Variants in ENOX1 observed in about 807,000 individuals in gnomAD.
The protein encoded by ENOX1 is candidate growth-related and time keeping constitutive hydroquinone (NADH) oxidase.
Under a neutral mutation model 82.5 loss-of-function variants are expected in ENOX1, and 42 were observed. The ratio of observed to expected loss-of-function variants is 0.51; its 90% CI spans 0.40 to 0.66. The LOEUF is 0.66. Ranked by LOEUF, ENOX1 falls within the 30% of genes least tolerant of loss-of-function variation. The probability of loss-of-function intolerance (pLI) is 0.00; values close to 1 mark genes in which losing one functional copy is unlikely to be tolerated. For synonymous variants in ENOX1, 271 were observed against 282.2 expected (o/e 0.96, Z 0.40); for missense variants, 608 against 811.6 (o/e 0.75, Z 3.05).
In ENOX1 at chr13:43,355,937, G is replaced by A. The variant is rs2153556683; in HGVS notation, c.805C>T (p.Leu269=). The A allele has an allele frequency of 6.2e-7, 1 of 1,613,184 alleles. No homozygotes were observed. Among genetic ancestry groups the A allele is most frequent in the Non-Finnish European group, 8.5e-7 (1 of 1,179,462 alleles). The change falls in exon 8 of 17, where the codon CTG becomes TTG. Residue 269 remains leucine, a synonymous_variant. Transcript: ENST00000690772. ...CCCATACCTTTCAGCTTTTCAGCCA[G>A]CAGAGCGGCTTCGTGCTCCGAGTAG... ...MHYSEHEAAL[L]AEKLKDDSKF...
chr13:43,691,716 T>TC (rs1168819503), intron 1 of ENOX1, among the ~76,000 whole-genome samples: 22 of 150,836 alleles, frequency 1.5e-4, no homozygotes, highest in Non-Finnish European at 2.4e-4. Flanking sequence ...TTTTTTTTTT[T>TC]CCGAGACAGA....
chr13:43,779,877 CCG>C (rs1952151409), intron 1 of ENOX1, among the ~76,000 whole-genome samples: 1 of 152,158 alleles, frequency 6.6e-6, no homozygotes, highest in South Asian at 2.1e-4. Context: ...CTGCATGAGG[CCG>C]GGCGTGGTGG....
chr13:43,418,317 C>G (rs1405651693), intron 3 of ENOX1, among the ~76,000 whole-genome samples: 1 of 152,226 alleles, frequency 6.6e-6, no homozygotes, highest in African/African-American at 2.4e-5. Context: ...CACCTGAGGT[C>G]AGGTGTTCGA....
intron 1 of ENOX1, among the ~76,000 whole-genome samples, chr13:43,724,878 T>G (rs1304397074): frequency 6.6e-6 from 1 of 152,208 alleles, no homozygotes; most frequent in Non-Finnish European, 1.5e-5. Context: ...ACTAGTGATT[T>G]GGTCAGTGTT....
intron 1 of ENOX1, among the ~76,000 whole-genome samples, chr13:43,726,224 T>C (rs968480363): frequency 1.4e-4 from 21 of 151,002 alleles, no homozygotes; most frequent in Middle Eastern, 3.2e-3. Context: ...TCTTTTTTTT[T>C]TTTTTTTTGA....
At chr13:43,572,612 A>G (rs756597742) in intron 2 of ENOX1, among the ~76,000 whole-genome samples, 9 of 152,238 alleles carry the variant, frequency 5.9e-5, no homozygotes, top group Non-Finnish European at 1.3e-4. Context: ...CAGAAATCTC[A>G]GTCAGTCTTG....
rs1027075785 is a variant in ENOX1, at chr13:43,603,540, C to A, written c.-219+63939G>T. Among the ~76,000 whole-genome samples the A allele has an allele frequency of 3.9e-4, 54 of 137,082 alleles. 1 individual carries two copies. Among genetic ancestry groups the A allele is most frequent in the Middle Eastern group, 7.8e-3 (2 of 258 alleles). The allele number at this position is 137,082 out of a possible 152,430, so 89.9% of individuals were successfully genotyped here. ...CTCCTAATGCTATCCCTCCCCCCTCCCCCCACCCCACAACAGGCCCTGGTG... is the reference window on the plus strand; with the variant it reads ...CTCCTAATGCTATCCCTCCCCCCTCACCCCACCCCACAACAGGCCCTGGTG... On this transcript the variant is annotated intron_variant, in intron 2 of 16. Coordinates refer to ENST00000690772, the MANE Select transcript of ENOX1 (RefSeq NM_001347969.2).
chr13:43,651,695 T>TAA (rs57810969), intron 2 of ENOX1, among the ~76,000 whole-genome samples: 4 of 96,970 alleles, frequency 4.1e-5, no homozygotes, highest in Non-Finnish European at 9.0e-5. Flanking sequence ...AGACTCTGTC[T>TAA]AAAAAAAAAA....
rs561193787 is a variant in ENOX1, at chr13:43,470,333, T to C, written c.-75+13676A>G. On this transcript the variant is annotated intron_variant, in intron 3 of 16. Transcript: ENST00000690772. ...ATATATATACACATATATATATGTATATATATACGTATATATATATGTATA... is the reference window on the plus strand; with the variant it reads ...ATATATATACACATATATATATGTACATATATACGTATATATATATGTATA... 8.9e-4 allele frequency among the ~76,000 whole-genome samples: 32 copies of C among 35,842 alleles called. 1 individual carries two copies. The East Asian group carries it at 0.044, about 50-fold the overall frequency. 23.5% of individuals were successfully genotyped at this position (35,842 alleles called of 152,430 possible). A position where few individuals can be genotyped will look rare whatever the true frequency, so the allele number is the denominator to read the frequency against.
intron 8 of ENOX1, among the ~76,000 whole-genome samples, chr13:43,350,163 A>T (rs1240054078): frequency 6.6e-6 from 1 of 152,236 alleles, no homozygotes; most frequent in Non-Finnish European, 1.5e-5. Flanking sequence ...TCAGTAGAAA[A>T]TGTAAATCTT....
chr13:43,291,719 G>A (rs754300530), intron 12 of ENOX1, among the ~76,000 whole-genome samples: 3 of 152,164 alleles, frequency 2.0e-5, no homozygotes, highest in South Asian at 2.1e-4. Context: ...AAAGGCCCCC[G>A]AAACAGGCTC....
intron 1 of ENOX1, among the ~76,000 whole-genome samples, chr13:43,677,735 T>C (rs576650725): frequency 6.6e-6 from 1 of 152,318 alleles, no homozygotes; most frequent in South Asian, 2.1e-4. Flanking sequence ...ATAAGCATTA[T>C]TAAATGCACA....
intron 1 of ENOX1, among the ~76,000 whole-genome samples, chr13:43,686,489 C>T (rs1218192234): frequency 1.3e-5 from 2 of 152,178 alleles, no homozygotes; most frequent in Admixed American, 1.3e-4. Context: ...AACACAATGT[C>T]AGTCCATTTC....
At chr13:43,539,075 G>A (rs1456697843) in intron 2 of ENOX1, among the ~76,000 whole-genome samples, 10 of 152,102 alleles carry the variant, frequency 6.6e-5, no homozygotes, top group South Asian at 2.1e-4. Context: ...TTCCTGCCTC[G>A]GCCTCCATAG....
chr13:43,413,090 G>A (rs1294533912), intron 3 of ENOX1, 102 bp from the exon 4 acceptor site: 31 of 1,186,612 alleles, frequency 2.6e-5, no homozygotes, highest in Admixed American at 3.5e-5. Flanking sequence ...AACAAAGACC[G>A]ATTTCCAGTC....
intron 2 of ENOX1, among the ~76,000 whole-genome samples, chr13:43,649,213 T>C (rs897039234): frequency 2.0e-5 from 3 of 152,226 alleles, no homozygotes; most frequent in African/African-American, 4.8e-5. Flanking sequence ...CAGGTTGTCA[T>C]AGTGTCAATA....
intron 2 of ENOX1, among the ~76,000 whole-genome samples, chr13:43,487,863 T>G (rs1192763450): frequency 6.6e-6 from 1 of 152,218 alleles, no homozygotes; most frequent in African/African-American, 2.4e-5. Context: ...CAAAGGCTGT[T>G]TGATTTGTAA....
chr13:43,282,689 G>A (rs1166362103), intron 12 of ENOX1, among the ~76,000 whole-genome samples: 1 of 151,854 alleles, frequency 6.6e-6, no homozygotes, highest in Non-Finnish European at 1.5e-5. Flanking sequence ...TTCCCAAAGC[G>A]CTGGGATTAC....
intron 14 of ENOX1, among the ~76,000 whole-genome samples, chr13:43,253,829 C>A (rs554878428): frequency 6.6e-6 from 1 of 151,996 alleles, no homozygotes; most frequent in Admixed American, 6.5e-5. Context: ...TTTGGGCTCC[C>A]GACTCTTTCC....
Sources: gnomAD v4.1 joint callset for allele counts (sites outside exome capture counted in the v4.1 genomes callset) on GRCh38, gnomAD v4.1.1 for gene constraint, MANE v1.5 for transcripts, NCBI Gene and HGNC (gene_info 2026-07-23, HGNC 2026-07-21) for gene names.